YBX3: variants seen among roughly 807,000 people sequenced by gnomAD.
YBX3 encodes Y-box binding protein 3.
YBX3 carries 29 observed loss-of-function variants against 42.4 expected under a neutral mutation model. The ratio of observed to expected loss-of-function variants is 0.68; its 90% CI spans 0.51 to 0.93. The LOEUF is 0.93. Among genes scored for constraint, YBX3 ranks in the 40% least tolerant of loss-of-function variants. The probability of loss-of-function intolerance (pLI) is 0.00; values close to 1 mark genes in which losing one functional copy is unlikely to be tolerated. For missense variants in YBX3, 517 were observed against 527.5 expected (o/e 0.98, Z 0.19); for synonymous variants, 195 against 189.8 (o/e 1.03, Z -0.22).
chr12:10,713,227 C>T lies in YBX3; in HGVS notation c.557G>A (p.Arg186His), dbSNP rs200093154. The T allele has an allele frequency of 5.7e-5, 92 of 1,611,826 alleles. 1 individual carries two copies. The highest frequency in any genetic ancestry group is 1.6e-5 in the Non-Finnish European group (19 of 1,179,472). ...ACAACGTACATTCCGGGGAGGGCCA[C>T]GGCGCCTTCCATAGTAGCCACGTCT... is the stretch of plus-strand genomic sequence containing the variant. Reference protein sequence around the residue: ...RYRRGYYGRRRGPPRNYAGEE... With the variant: ...RYRRGYYGRRHGPPRNYAGEE... The change falls in exon 5 of 10, where the codon CGT (arginine) becomes CAT (histidine). Residue 186 changes from arginine to histidine, a missense_variant. Transcript: ENST00000228251.
intron 1 of YBX3, among the ~76,000 whole-genome samples, chr12:10,719,697 A>G (rs1378302466): frequency 6.6e-6 from 1 of 152,224 alleles, no homozygotes; most frequent in Non-Finnish European, 1.5e-5. Flanking sequence ...TGCTGTCTCA[A>G]TCCAGTTCTG....
chr12:10,701,136 C>T (rs1339258576), intron 9 of YBX3, 118 bp downstream of exon 9: 3 of 621,528 alleles, frequency 4.8e-6, no homozygotes, highest in Non-Finnish European at 8.7e-6. Context: ...CCAATAGAGA[C>T]AAGGGGTTGG....
chr12:10,722,328 C>T (rs920053671), intron 1 of YBX3: 1 of 152,348 alleles, frequency 6.6e-6, no homozygotes, highest in Non-Finnish European at 1.5e-5. Flanking sequence ...CCTGACCCTT[C>T]CTGGCAAGAA....
At chr12:10,701,464 A>G in intron 8 of YBX3, 111 bp from the exon 9 acceptor site, 2 of 702,454 alleles carry the variant, frequency 2.8e-6, no homozygotes, top group Non-Finnish European at 5.3e-6. Context: ...ATTAGCATGC[A>G]AAAATTTAAC....
chr12:10,711,343 G>A (rs1342118463), intron 5 of YBX3: 2 of 151,638 alleles, frequency 1.3e-5, no homozygotes, highest in African/African-American at 4.8e-5. Flanking sequence ...TTTTTTACAG[G>A]AGTGTATTTA....
chr12:10,703,562 CA>C, intron 7 of YBX3: 1 of 439,740 alleles, frequency 2.3e-6, no homozygotes, highest in South Asian at 1.6e-5. Context: ...TGTTTTCAGA[CA>C]GGGTCTCACT....
chr12:10,703,620 C>T (rs2418102), intron 7 of YBX3: 136,730 of 422,034 alleles, frequency 0.32, 23,942 homozygotes, highest in East Asian at 0.64. Flanking sequence ...ATCTAATGAA[C>T]TGTAGAGTAG....
intron 3 of YBX3, chr12:10,717,801 T>C (rs367743591): frequency 0.03 from 7,311 of 247,436 alleles, 155 homozygotes; most frequent in Admixed American, 0.061. Context: ...AGACTTTTCT[T>C]TTTTTTGCTA....
Position 10,722,836 on chromosome 12 carries a change from C to T in YBX3, c.262+14G>A. On this transcript the variant is annotated intron_variant, in intron 1 of 9. Transcript: ENST00000228251. ...CCCACTACGGCAGCCCCTGCCCTCC[C>T]TGGCCTGACTCACCGAGAACTTTTT... The T allele has an allele frequency of 6.8e-7, 1 of 1,471,088 alleles. No individual in the cohort carries two copies. The highest frequency in any genetic ancestry group is 9.0e-7 in the Non-Finnish European group (1 of 1,110,174). 91.1% of individuals were successfully genotyped at this position (1,471,088 alleles called of 1,614,324 possible). A position where few individuals can be genotyped will look rare whatever the true frequency, so the allele number is the denominator to read the frequency against.
intron 6 of YBX3, among the ~76,000 whole-genome samples, chr12:10,709,579 G>A (rs563477173): frequency 6.6e-6 from 1 of 152,300 alleles, no homozygotes; most frequent in African/African-American, 2.4e-5. Context: ...AGCAGAAACA[G>A]GATTCAAATC....
chr12:10,714,423 A>T (rs370203025), intron 4 of YBX3, among the ~76,000 whole-genome samples: 2 of 152,180 alleles, frequency 1.3e-5, no homozygotes, highest in East Asian at 3.8e-4. Flanking sequence ...ACTAGTATCT[A>T]TAACAGACTA....
chr12:10,720,993 T>C (rs1372925855), intron 1 of YBX3: 3 of 152,144 alleles, frequency 2.0e-5, no homozygotes, highest in African/African-American at 7.2e-5. Flanking sequence ...AGAAGGAAAA[T>C]TTTTTTGCAC....
intron 1 of YBX3, among the ~76,000 whole-genome samples, chr12:10,720,399 A>G (rs1328302535): frequency 6.6e-6 from 1 of 152,128 alleles, no homozygotes; most frequent in Non-Finnish European, 1.5e-5. Flanking sequence ...ATATCTCCAA[A>G]GTTATGCAGT....
Position 10,718,117 on chromosome 12 carries a change from C to A in YBX3, c.331G>T (p.Asp111Tyr), listed in dbSNP as rs1948283639. The A allele has an allele frequency of 6.2e-7, 1 of 1,611,962 alleles. No homozygotes were observed. The highest frequency in any genetic ancestry group is 1.1e-5 in the South Asian group (1 of 90,442). ...RNGYGFINRN[D>Y]TKEDVFVHQT... is the part of the protein sequence containing the mutation. ...TGTACAAATACATCTTCTTTGGTGTCATTTCTGTTGAAAGACAAAAAGCTC... is the reference window on the plus strand; with the variant it reads ...TGTACAAATACATCTTCTTTGGTGTAATTTCTGTTGAAAGACAAAAAGCTC... The change falls in exon 3 of 10, where the codon GAC (aspartate) becomes TAC (tyrosine). Residue 111 changes from aspartate (D) to tyrosine (Y), a missense_variant. This residue lies in a region of YBX3 where 420 missense variants were observed against 408.5 expected (regional missense o/e 1.03). Coordinates refer to ENST00000228251, the MANE Select transcript of YBX3 (RefSeq NM_003651.5).
intron 2 of YBX3, among the ~76,000 whole-genome samples, 160 bp downstream of exon 2, chr12:10,718,920 G>A (rs1462352285): frequency 6.6e-6 from 1 of 152,064 alleles, no homozygotes; most frequent in Non-Finnish European, 1.5e-5. Flanking sequence ...TGTATTTTAA[G>A]TAATATTTAA....
At chr12:10,718,741 C>A (rs1343861612) in intron 2 of YBX3, among the ~76,000 whole-genome samples, 2 of 152,160 alleles carry the variant, frequency 1.3e-5, no homozygotes, top group Admixed American at 1.3e-4. Flanking sequence ...GTTGGGTGAC[C>A]TTAGGAAAGC....
At chr12:10,718,892 T>G (rs977447413) in intron 2 of YBX3, among the ~76,000 whole-genome samples, 188 bp downstream of exon 2, 1 of 152,230 alleles carries the variant, frequency 6.6e-6, no homozygotes, top group African/African-American at 2.4e-5. Context: ...AATAAGTTAT[T>G]TATTAGTGTC....
intron 3 of YBX3, among the ~76,000 whole-genome samples, chr12:10,716,451 T>C (rs1009886590): frequency 7.2e-5 from 11 of 152,202 alleles, no homozygotes; most frequent in African/African-American, 2.4e-5. Context: ...TGTCAACAAA[T>C]CCTACATTCC....
At position 10,699,210 on chromosome 12, in the gene YBX3, A is replaced by T. The variant is rs1442120417; in HGVS notation, c.*479T>A. On this transcript the variant is annotated 3_prime_UTR_variant, in exon 10 of 10. Transcript: ENST00000228251. ...TCCTAGAAATAAATAAGAAGGACAT[A>T]AATTTTTTTTTTTTTTAAATCATGA... 6.6e-6 allele frequency: 1 copy of T among 152,140 alleles called. No individual in the cohort carries two copies. The highest frequency in any genetic ancestry group is 1.5e-5 in the Non-Finnish European group (1 of 67,984). 9.4% of individuals were successfully genotyped at this position (152,140 alleles called of 1,614,324 possible). A position where few individuals can be genotyped will look rare whatever the true frequency, so the allele number is the denominator to read the frequency against.
Sources: gnomAD v4.1 joint callset for allele counts (sites outside exome capture counted in the v4.1 genomes callset) on GRCh38, gnomAD v4.1.1 for gene constraint, gnomAD v4.1.1 regional missense constraint, MANE v1.5 for transcripts, NCBI Gene and HGNC (gene_info 2026-07-23, HGNC 2026-07-21) for gene names.